The following NR1I2 variants were observed in gnomAD, a reference collection of about 807,000 sequenced individuals.
NR1I2 encodes the protein nuclear receptor subfamily 1 group I member 2.
In NR1I2, 42 loss-of-function variants were observed where a neutral mutation model predicts 43.3. That is an observed-to-expected ratio of 0.97 (90% CI 0.76 to 1.26). The LOEUF (loss-of-function observed/expected upper bound fraction) is 1.26. Among genes scored for constraint, NR1I2 ranks in the 50% most tolerant of loss-of-function variants. The pLI is 0.00. For missense variants in NR1I2, 559 were observed against 566.7 expected (o/e 0.99, Z 0.14); for synonymous variants, 229 against 215.0 (o/e 1.06, Z -0.57).
chr3:119,784,273 C>A (rs1577265777), intron 1 of NR1I2, among the ~76,000 whole-genome samples: 2 of 152,282 alleles, frequency 1.3e-5, no homozygotes, highest in South Asian at 4.2e-4. Flanking sequence ...CAAATGACAA[C>A]CCATTATTTC....
At chr3:119,783,028 A>C (rs1315395380) in intron 1 of NR1I2, among the ~76,000 whole-genome samples, 1 of 152,096 alleles carries the variant, frequency 6.6e-6, no homozygotes, top group Non-Finnish European at 1.5e-5. Flanking sequence ...AGGTCAACAG[A>C]CACCTCTGAG....
chr3:119,803,785 T>C (rs1331373915), intron 1 of NR1I2, among the ~76,000 whole-genome samples: 1 of 151,074 alleles, frequency 6.6e-6, no homozygotes, highest in Non-Finnish European at 1.5e-5. Flanking sequence ...TGAGACAGAG[T>C]CTCACTGTGT....
At chr3:119,798,186 T>C (rs2055026061) in intron 1 of NR1I2, among the ~76,000 whole-genome samples, 1 of 152,232 alleles carries the variant, frequency 6.6e-6, no homozygotes, top group South Asian at 2.1e-4. Flanking sequence ...CGTGTGTCTC[T>C]TACGCCCTGT....
chr3:119,789,142 G>A (rs2107947105), intron 1 of NR1I2, among the ~76,000 whole-genome samples: 1 of 152,272 alleles, frequency 6.6e-6, no homozygotes, highest in South Asian at 2.1e-4. Flanking sequence ...AGAGAAGGAA[G>A]GCAAAAATCT....
chr3:119,800,460 A>C (rs889166507), intron 1 of NR1I2, among the ~76,000 whole-genome samples: 1 of 152,178 alleles, frequency 6.6e-6, no homozygotes, highest in Admixed American at 6.5e-5. Flanking sequence ...TTCCAACATT[A>C]TTTTGGCTAT....
chr3:119,784,557 C>A (rs193151965), intron 1 of NR1I2, among the ~76,000 whole-genome samples: 23 of 152,190 alleles, frequency 1.5e-4, no homozygotes, highest in African/African-American at 5.3e-4. Flanking sequence ...GTAGTTGAAT[C>A]TGTTAGTTTC....
At chr3:119,787,113 A>C (rs2054852614) in intron 1 of NR1I2, among the ~76,000 whole-genome samples, 1 of 151,714 alleles carries the variant, frequency 6.6e-6, no homozygotes, top group Non-Finnish European at 1.5e-5. Context: ...AATGGCGAAA[A>C]CCCGTCTCTA....
intron 3 of NR1I2, chr3:119,811,300 C>G (rs1341788503): frequency 2.1e-6 from 1 of 480,396 alleles, no homozygotes; most frequent in Non-Finnish European, 3.7e-6. Flanking sequence ...AGTGTCCTCA[C>G]AAACTCCACT....
rs2055175392 is a variant in NR1I2, at chr3:119,807,324, G to C, written c.74G>C (p.Gly25Ala). Residue 25 changes from glycine (G) to alanine (A), a missense_variant, in exon 2 of 9, where the codon GGA becomes GCA. This residue lies in a region of NR1I2 where 232 missense variants were observed against 236.6 expected (regional missense o/e 0.98). Transcript: ENST00000393716. ...TGTGAGGACACAGAGTCTGTTCCTG[G>C]AAAGCCCAGTGTCAACGCAGATGAG... 1 of 1,614,122 alleles carries C rather than the reference G, an allele frequency of 6.2e-7. No individual in the cohort carries two copies. The highest frequency in any genetic ancestry group is 1.3e-5 in the African/African-American group (1 of 74,944).
intron 8 of NR1I2, among the ~76,000 whole-genome samples, chr3:119,816,787 C>T (rs1263805013): frequency 6.7e-6 from 1 of 150,364 alleles, no homozygotes; most frequent in African/African-American, 2.5e-5. Context: ...TGCCATCATG[C>T]TCTAGCCTGG....
chr3:119,782,745 C>A lies in NR1I2; in HGVS notation c.-23+445C>A, dbSNP rs773560580. 2 of 1,610,660 alleles carry A rather than the reference C, an allele frequency of 1.2e-6. 1 individual carries two copies. Among genetic ancestry groups the A allele is most frequent in the South Asian group, 2.2e-5 (2 of 91,010 alleles). ...GTTAGTGCTGGCAGCCCCCTGAGGC[C>A]AAGGACAGCAGCATGACAGTCACCA... is the stretch of plus-strand genomic sequence containing the variant. On this transcript the variant is annotated intron_variant, in intron 1 of 8. Coordinates refer to ENST00000393716, the MANE Select transcript of NR1I2 (RefSeq NM_003889.4).
At chr3:119,802,851 A>G in intron 1 of NR1I2, 2 of 456,668 alleles carry the variant, frequency 4.4e-6, no homozygotes, top group South Asian at 3.1e-5. Flanking sequence ...CTGTTGAGCA[A>G]TATGATAAAT....
chr3:119,790,787 T>C lies in NR1I2; in HGVS notation c.-23+8487T>C, dbSNP rs140654835. On this transcript the variant is annotated intron_variant, in intron 1 of 8. Transcript: ENST00000393716. ...ACCACACAACTTCTTGGAAGGCATGTTTAAGTGTTCACATAATAAAACAGT... is the reference window on the plus strand; with the variant it reads ...ACCACACAACTTCTTGGAAGGCATGCTTAAGTGTTCACATAATAAAACAGT... 4.3e-4 allele frequency among the ~76,000 whole-genome samples: 66 copies of C among 152,342 alleles called. 1 individual carries two copies. In the East Asian group the frequency reaches 9.1e-3, roughly 21 times the overall value.
rs2055342978 is a variant in NR1I2, at chr3:119,817,209, C to G, written c.1302C>G (p.Ser434Arg). ...AGGAGTTGTTCGGCATCACAGGTAG[C>G]TGAGCGGCTGCCCTTGGGTGACACC... Residue 434 changes from serine to arginine, a missense_variant, in exon 9 of 9, where the codon AGC (serine) becomes AGG (arginine). This residue lies in a region of NR1I2 where 323 missense variants were observed against 312.2 expected (regional missense o/e 1.03). Transcript: ENST00000393716. 8 of 1,613,952 alleles carry G rather than the reference C, an allele frequency of 5.0e-6. No individual in the cohort carries two copies. The highest frequency in any genetic ancestry group is 6.8e-6 in the Non-Finnish European group (8 of 1,180,012).
chr3:119,786,128 A>G (rs1487805448), intron 1 of NR1I2, among the ~76,000 whole-genome samples: 1 of 152,196 alleles, frequency 6.6e-6, no homozygotes, highest in Non-Finnish European at 1.5e-5. Flanking sequence ...AGCCACTAGG[A>G]CCCTTGGAAT....
chr3:119,818,218 C>G lies in NR1I2; in HGVS notation c.*1006C>G. 2.0e-6 allele frequency: 2 copies of G among 985,726 alleles called. No homozygotes were observed. Among genetic ancestry groups the G allele is most frequent in the Non-Finnish European group, 2.4e-6 (2 of 830,024 alleles). 61.1% of individuals were successfully genotyped at this position (985,726 alleles called of 1,614,324 possible). On this transcript the variant is annotated 3_prime_UTR_variant, in exon 9 of 9. Transcript: ENST00000393716. ...CTGGAATGCTGGGTATGCTCTGTGA[C>G]AAGGCTACGCTGACAATCAGTTAAA...
intron 1 of NR1I2, among the ~76,000 whole-genome samples, chr3:119,785,914 T>TA (rs2054836702): frequency 6.6e-6 from 1 of 152,254 alleles, no homozygotes; most frequent in Non-Finnish European, 1.5e-5. Flanking sequence ...TCCAATAAGA[T>TA]AGCTAGTAAA....
chr3:119,793,828 C>T (rs190858953), intron 1 of NR1I2, among the ~76,000 whole-genome samples: 35 of 152,112 alleles, frequency 2.3e-4, no homozygotes, highest in African/African-American at 7.2e-4. Flanking sequence ...CATAAGGACA[C>T]GATCAAAAAC....
At position 119,817,088 on chromosome 3, in the gene NR1I2, T is replaced by C; in HGVS notation, c.1181T>C (p.Met394Thr). The change falls in exon 9 of 9, where the codon ATG (methionine) becomes ACG (threonine). Residue 394 changes from methionine (M) to threonine (T), a missense_variant. By Grantham distance (81) the Met-to-Thr change is moderately conservative. This residue lies in a region of NR1I2 where 323 missense variants were observed against 312.2 expected (regional missense o/e 1.03). Coordinates refer to ENST00000393716, the MANE Select transcript of NR1I2 (RefSeq NM_003889.4). Reference sequence around the variant, plus strand: ...TGCAGGTTCTTGTTCCTGAAGATCATGGCTATGCTCACCGAGCTCCGCAGC... The same window carrying C: ...TGCAGGTTCTTGTTCCTGAAGATCACGGCTATGCTCACCGAGCTCCGCAGC... 5 of 1,614,200 alleles carry C rather than the reference T, an allele frequency of 3.1e-6. No individual in the cohort carries two copies. The highest frequency in any genetic ancestry group is 4.2e-6 in the Non-Finnish European group (5 of 1,180,036).
Sources: allele counts gnomAD v4.1 joint callset (sites outside exome capture counted in the v4.1 genomes callset), GRCh38; gene constraint gnomAD v4.1.1; regional missense constraint gnomAD v4.1.1; transcripts MANE v1.5; gene names NCBI Gene and HGNC (gene_info 2026-07-23, HGNC 2026-07-21).